ITGA11: variants seen among roughly 807,000 people sequenced by gnomAD.
ITGA11 encodes integrin subunit alpha 11, also known as integrin alpha-11.
A neutral mutation model predicts 141.9 loss-of-function variants in ITGA11; 97 were observed. The ratio of observed to expected loss-of-function variants is 0.68; its 90% CI spans 0.58 to 0.81. ITGA11 has a LOEUF of 0.81. Among genes scored for constraint, ITGA11 ranks in the 30% least tolerant of loss-of-function variants. The pLI, the probability that ITGA11 is intolerant of heterozygous loss-of-function variation, is 0.00. For synonymous variants in ITGA11, 658 were observed against 624.6 expected, an observed-to-expected ratio of 1.05 and a Z score of -0.80; for missense variants, 1,387 against 1,559.2, an observed-to-expected ratio of 0.89 and a Z score of 1.86.
At chr15:68,380,919 A>T (rs1400329310) in intron 2 of ITGA11, among the ~76,000 whole-genome samples, 1 of 152,150 alleles carries the variant, frequency 6.6e-6, no homozygotes, top group Non-Finnish European at 1.5e-5. Context: ...GTACAGACAG[A>T]CGGTTGGATG....
chr15:68,394,684 T>C (rs1040644072), intron 2 of ITGA11, among the ~76,000 whole-genome samples: 2 of 151,810 alleles, frequency 1.3e-5, no homozygotes, highest in Non-Finnish European at 2.9e-5. Context: ...AATATGCCCA[T>C]AGCAAGACTG....
At chr15:68,430,916 G>C (rs777389068) in intron 1 of ITGA11, among the ~76,000 whole-genome samples, 1 of 152,220 alleles carries the variant, frequency 6.6e-6, no homozygotes, top group Non-Finnish European at 1.5e-5. Flanking sequence ...TGCGGGATAG[G>C]GGTCTCCACC....
chr15:68,373,233 G>A (rs1166338279), intron 2 of ITGA11, among the ~76,000 whole-genome samples: 1 of 152,056 alleles, frequency 6.6e-6, no homozygotes. Context: ...GGCCAATGTT[G>A]TAGTGTCATG....
At chr15:68,395,531 T>C (rs1235766147) in intron 2 of ITGA11, among the ~76,000 whole-genome samples, 2 of 150,644 alleles carry the variant, frequency 1.3e-5, no homozygotes, top group Non-Finnish European at 1.5e-5. Flanking sequence ...TAGTGATGCA[T>C]GTGCAGCTTC....
intron 10 of ITGA11, among the ~76,000 whole-genome samples, chr15:68,345,435 T>C (rs942150636): frequency 6.6e-6 from 1 of 152,176 alleles, no homozygotes; most frequent in Non-Finnish European, 1.5e-5. Context: ...AGGTGATGTC[T>C]TGGGGTCTCC....
Position 68,325,045 on chromosome 15 carries a change from GCA to G in ITGA11, c.2322+84_2322+85del. The stretch of plus-strand genomic sequence containing the variant: ...TGAGGGATGGTGTCCTCTGTACCCG[GCA>G]CACTCAGGCTCTGGGCTTTGGGGTT... On this transcript the variant is annotated intron_variant, in intron 18 of 29. Coordinates refer to ENST00000315757, the MANE Select transcript of ITGA11 (RefSeq NM_001004439.2). This position sits in a 1 kb window ranked among gnomAD's most constrained non-coding sequence, Gnocchi z 5.5. 2 of 973,472 alleles carry G rather than the reference GCA, an allele frequency of 2.1e-6. No individual in the cohort carries two copies. The highest frequency in any genetic ancestry group is 3.3e-6 in the Non-Finnish European group (2 of 602,228). 60.3% of individuals were successfully genotyped at this position (973,472 alleles called of 1,614,324 possible).
intron 11 of ITGA11, 148 bp downstream of exon 11, chr15:68,339,352 C>T (rs1366301400): frequency 5.8e-6 from 5 of 859,772 alleles, no homozygotes; most frequent in African/African-American, 1.7e-5. Context: ...GGAAATGCCC[C>T]CGGGGATGCT....
Position 68,303,170 on chromosome 15 carries a change from G to A in ITGA11, c.3496-40C>T. On this transcript the variant is annotated intron_variant, in intron 29 of 29. Transcript: ENST00000315757. This position sits in a 1 kb window ranked among gnomAD's most constrained non-coding sequence, Gnocchi z 5.3. ...AGGGAGACGTCTCAGAGGAGGACAGGGTGGGCAAGGCCTGCCCCAGCTTTC... is the reference window on the plus strand; with the variant it reads ...AGGGAGACGTCTCAGAGGAGGACAGAGTGGGCAAGGCCTGCCCCAGCTTTC... 1 of 1,524,222 alleles carries A rather than the reference G, an allele frequency of 6.6e-7. No individual in the cohort carries two copies. Among genetic ancestry groups the A allele is most frequent in the Non-Finnish European group, 8.9e-7 (1 of 1,125,878 alleles). The allele number at this position is 1,524,222 out of a possible 1,614,324, so 94.4% of individuals were successfully genotyped here. A position where few individuals can be genotyped will look rare whatever the true frequency, so the allele number is the denominator to read the frequency against.
intron 2 of ITGA11, among the ~76,000 whole-genome samples, chr15:68,400,883 ATAAATATTATAATATTATATAT>A: frequency 1.1e-5 from 1 of 88,102 alleles, no homozygotes; most frequent in Non-Finnish European, 2.0e-5. Flanking sequence ...ATATTATATA[ATAAATATTATAATATTATATAT>A]TATATAATAA....
rs777598264 is a variant in ITGA11, at chr15:68,335,881, G to A, written c.1277-36C>T. 2.4e-5 allele frequency: 39 copies of A among 1,598,772 alleles called. 1 individual carries two copies. Among genetic ancestry groups the A allele is most frequent in the African/African-American group, 6.7e-5 (5 of 74,774 alleles). ...AGGAAACAGGCTGATCTTTGGCACC[G>A]TGTCCTCAGCAGGCGTTGCTTGGCC... On this transcript the variant is annotated intron_variant, in intron 11 of 29. Coordinates refer to ENST00000315757, the MANE Select transcript of ITGA11 (RefSeq NM_001004439.2). The surrounding 1 kb of genome is among the most constrained non-coding windows in gnomAD (Gnocchi z 4.9).
rs981771629 is a variant in ITGA11 at position 68,298,447 on chromosome 15, C to A, written c.*4612G>T. 6.6e-6 allele frequency: 1 copy of A among 151,994 alleles called. No homozygotes were observed. The highest frequency in any genetic ancestry group is 6.6e-5 in the Admixed American group (1 of 15,262). The allele number at this position is 151,994 out of a possible 1,614,324, so 9.4% of individuals were successfully genotyped here. ...GACCAGTGTGGGCAACAAAGTGAGA[C>A]CCCCTCTCTGCACAAAATTAAAAAA... On this transcript the variant is annotated 3_prime_UTR_variant, in exon 30 of 30. Coordinates refer to ENST00000315757, the MANE Select transcript of ITGA11 (RefSeq NM_001004439.2).
chr15:68,358,429 G>A, intron 6 of ITGA11, 29 bp downstream of exon 6: 1 of 1,585,184 alleles, frequency 6.3e-7, no homozygotes, highest in Non-Finnish European at 8.6e-7. Flanking sequence ...GCCCTGTTCA[G>A]AAGTGGAAAG....
Position 68,332,389 on chromosome 15 carries a change from G to A in ITGA11, c.1515C>T (p.Tyr505=). ...TDVLLVGAPM[Y]FNEGRERGKV... ...TGCCTCGCTCACGGCCCTCGTTGAAGTACATGGGTGCGCCCACCAGCAGGA... is the reference window on the plus strand; with the variant it reads ...TGCCTCGCTCACGGCCCTCGTTGAAATACATGGGTGCGCCCACCAGCAGGA... The change falls in exon 13 of 30, where the codon TAC becomes TAT. Residue 505 remains tyrosine, a synonymous_variant. Coordinates refer to ENST00000315757, the MANE Select transcript of ITGA11 (RefSeq NM_001004439.2). 6.2e-7 allele frequency: 1 copy of A among 1,610,348 alleles called. No individual in the cohort carries two copies. Among genetic ancestry groups the A allele is most frequent in the South Asian group, 1.1e-5 (1 of 90,022 alleles).
chr15:68,356,799 G>A (rs780309715), intron 7 of ITGA11, among the ~76,000 whole-genome samples: 10 of 152,092 alleles, frequency 6.6e-5, no homozygotes, highest in Non-Finnish European at 1.5e-4. Flanking sequence ...CTCTTGGGAC[G>A]CTGTCTCTAA....
chr15:68,423,775 C>T (rs1897074992), intron 1 of ITGA11, among the ~76,000 whole-genome samples: 1 of 152,136 alleles, frequency 6.6e-6, no homozygotes, highest in African/African-American at 2.4e-5. Context: ...TGTCCCCCTG[C>T]TTGTCCCACC....
intron 2 of ITGA11, among the ~76,000 whole-genome samples, chr15:68,397,627 ATTT>A (rs1896345595): frequency 8.9e-5 from 10 of 112,668 alleles, no homozygotes; most frequent in Non-Finnish European, 1.3e-4. Context: ...AAAATATTAT[ATTT>A]AATATATATT....
At chr15:68,365,723 T>C (rs562711362) in intron 3 of ITGA11, among the ~76,000 whole-genome samples, 80 of 151,814 alleles carry the variant, frequency 5.3e-4, no homozygotes, top group Non-Finnish European at 8.8e-4. Context: ...AATTTTCCCT[T>C]CCCTCCCCTC....
intron 2 of ITGA11, among the ~76,000 whole-genome samples, chr15:68,374,375 TC>T (rs1895673728): frequency 2.0e-5 from 1 of 50,290 alleles, no homozygotes; most frequent in Admixed American, 2.3e-4. Flanking sequence ...GGAACAGGCC[TC>T]GAGACATCAG....
rs1394991015 is a variant in ITGA11, at chr15:68,320,332, G to T, written c.2469C>A (p.Ser823=). Residue 823 remains serine, a synonymous_variant, in exon 20 of 30, where the codon TCC becomes TCA. Coordinates refer to ENST00000315757, the MANE Select transcript of ITGA11 (RefSeq NM_001004439.2). ...CTATGATGAAGACTGTGGTGTCGAA[G>T]GACAGCGTGTATGCGGAGCAGTCCT... The part of the protein sequence containing the change: ...PAQDCSAYTL[S]FDTTVFIIES... 21 of 1,613,274 alleles carry T rather than the reference G, an allele frequency of 1.3e-5. No homozygotes were observed. The highest frequency in any genetic ancestry group is 1.5e-5 in the Non-Finnish European group (18 of 1,179,546).
Sources: gnomAD v4.1 joint callset for allele counts (sites outside exome capture counted in the v4.1 genomes callset) on GRCh38, gnomAD v4.1.1 for gene constraint, Gnocchi (gnomAD v3.1) non-coding constraint, MANE v1.5 for transcripts, NCBI Gene and HGNC (gene_info 2026-07-23, HGNC 2026-07-21) for gene names.